The following CENPP variants were observed in gnomAD, a reference collection of about 807,000 sequenced individuals.
CENPP encodes the protein centromere protein P.
A neutral mutation model predicts 35.6 loss-of-function variants in CENPP; 24 were observed. The observed-to-expected ratio is 0.67, with a 90% CI of 0.49 to 0.95. CENPP has a LOEUF of 0.95. Among genes scored for constraint, CENPP ranks in the 40% least tolerant of loss-of-function variants. The pLI is 0.00. For missense variants in CENPP, 332 were observed against 345.3 expected, an observed-to-expected ratio of 0.96 and a Z score of 0.31; for synonymous variants, 120 against 125.5, an observed-to-expected ratio of 0.96 and a Z score of 0.29.
chr9:92,402,299 G>A (rs140452333), intron 5 of CENPP, among the ~76,000 whole-genome samples: 3 of 152,102 alleles, frequency 2.0e-5, no homozygotes, highest in Non-Finnish European at 4.4e-5. Context: ...AAGAAACTGT[G>A]GTGTTAACAT....
intron 5 of CENPP, among the ~76,000 whole-genome samples, chr9:92,471,762 G>A (rs544254458): frequency 6.6e-6 from 1 of 151,414 alleles, no homozygotes; most frequent in East Asian, 2.0e-4. Context: ...CACCTCCTGG[G>A]TTCTAGTGAT....
chr9:92,540,621 A>G (rs1328233899), intron 5 of CENPP, among the ~76,000 whole-genome samples: 1 of 140,786 alleles, frequency 7.1e-6, no homozygotes, highest in African/African-American at 2.6e-5. Context: ...AAATACAAAA[A>G]TTAGCCGAGC....
chr9:92,417,538 T>C (rs1294463903), intron 5 of CENPP: 13 of 1,576,200 alleles, frequency 8.2e-6, no homozygotes, highest in South Asian at 5.9e-5. Flanking sequence ...AAATAACATA[T>C]ATTGGACTTA....
At chr9:92,430,737 T>C (rs1234678344) in intron 5 of CENPP, among the ~76,000 whole-genome samples, 2 of 152,158 alleles carry the variant, frequency 1.3e-5, no homozygotes, top group Non-Finnish European at 2.9e-5. Flanking sequence ...TCTTCCTTGA[T>C]TTCCACTGTT....
rs1304955975 is a variant in CENPP, at chr9:92,368,526, T to C, written c.468-11237T>C. On this transcript the variant is annotated intron_variant, in intron 4 of 7. Coordinates refer to ENST00000375587, the MANE Select transcript of CENPP (RefSeq NM_001012267.3). ...ACCTTCATAAAAATATAACTATAGCTGCTGTGAAGAACAATTTCATGAGGT... is the reference window on the plus strand; with the variant it reads ...ACCTTCATAAAAATATAACTATAGCCGCTGTGAAGAACAATTTCATGAGGT... 2.6e-5 allele frequency among the ~76,000 whole-genome samples: 4 copies of C among 152,162 alleles called. No homozygotes were observed. The East Asian group carries it at 7.7e-4, about 29-fold the overall frequency.
At chr9:92,413,678 T>C (rs558562496) in intron 5 of CENPP, among the ~76,000 whole-genome samples, 1 of 152,298 alleles carries the variant, frequency 6.6e-6, no homozygotes, top group East Asian at 1.9e-4. Flanking sequence ...TGTGGCATCA[T>C]AGTTGCACAT....
chr9:92,356,577 G>A (rs1357668379), intron 4 of CENPP, among the ~76,000 whole-genome samples: 1 of 152,206 alleles, frequency 6.6e-6, no homozygotes, highest in Non-Finnish European at 1.5e-5. Flanking sequence ...AGGATTAAGA[G>A]ATTGAAGTAA....
intron 4 of CENPP, among the ~76,000 whole-genome samples, chr9:92,362,566 A>G (rs368965367): frequency 3.9e-5 from 6 of 152,214 alleles, no homozygotes; most frequent in Admixed American, 1.3e-4. Flanking sequence ...TTTTCACTCA[A>G]TGAAACTGTT....
At chr9:92,566,760 G>T (rs545681498) in intron 5 of CENPP, among the ~76,000 whole-genome samples, 2 of 152,348 alleles carry the variant, frequency 1.3e-5, no homozygotes, top group Admixed American at 1.3e-4. Flanking sequence ...CTTATGCACT[G>T]TGGGAGTCTC....
intron 5 of CENPP, among the ~76,000 whole-genome samples, chr9:92,408,058 C>A (rs1470736748): frequency 6.6e-6 from 1 of 152,328 alleles, no homozygotes; most frequent in African/African-American, 2.4e-5. Context: ...GACCATATGA[C>A]CTCCAAGTGG....
At chr9:92,548,875 G>A (rs1201561621) in intron 5 of CENPP, among the ~76,000 whole-genome samples, 3 of 152,128 alleles carry the variant, frequency 2.0e-5, no homozygotes, top group African/African-American at 2.4e-5. Context: ...GTGTGTGTGT[G>A]TTATCTAGAA....
At position 92,612,733 on chromosome 9, in the gene CENPP, C is replaced by T. The variant is rs923864083; in HGVS notation, c.736+119C>T. On this transcript the variant is annotated intron_variant, in intron 7 of 7. Coordinates refer to ENST00000375587, the MANE Select transcript of CENPP (RefSeq NM_001012267.3). The stretch of plus-strand genomic sequence containing the variant: ...AAAAATTGGAAATCTCATTAATGTA[C>T]TTTGTCTATCAATTTTTAAATATTT... The T allele has an allele frequency of 3.9e-6, 3 of 759,902 alleles. No homozygotes were observed. In the Admixed American group the frequency reaches 7.4e-5, roughly 19 times the overall value. The allele number at this position is 759,902 out of a possible 1,614,324, so 47.1% of individuals were successfully genotyped here. A position where few individuals can be genotyped will look rare whatever the true frequency, so the allele number is the denominator to read the frequency against.
At chr9:92,330,678 T>TC (rs1199051541) in intron 1 of CENPP, among the ~76,000 whole-genome samples, 3 of 143,360 alleles carry the variant, frequency 2.1e-5, no homozygotes, top group Non-Finnish European at 4.5e-5. Context: ...GTTTTTTTTT[T>TC]CTTTTCTTTG....
chr9:92,377,624 G>A (rs1842153666), intron 4 of CENPP, among the ~76,000 whole-genome samples: 1 of 152,192 alleles, frequency 6.6e-6, no homozygotes, highest in African/African-American at 2.4e-5. Context: ...TCCAGTAAAA[G>A]TGATTCTGAC....
At chr9:92,522,292 T>C (rs1848120496) in intron 5 of CENPP, among the ~76,000 whole-genome samples, 1 of 152,146 alleles carries the variant, frequency 6.6e-6, no homozygotes, top group Non-Finnish European at 1.5e-5. Flanking sequence ...TTCAACATGT[T>C]GGCCAGGCTG....
intron 5 of CENPP, among the ~76,000 whole-genome samples, chr9:92,435,081 T>G (rs1197493421): frequency 6.6e-6 from 1 of 152,082 alleles, no homozygotes; most frequent in Non-Finnish European, 1.5e-5. Flanking sequence ...TACTGTACAC[T>G]GTGTACAACC....
At chr9:92,534,069 G>A (rs1849022471) in intron 5 of CENPP, among the ~76,000 whole-genome samples, 1 of 151,932 alleles carries the variant, frequency 6.6e-6, no homozygotes, top group Admixed American at 6.6e-5. Flanking sequence ...TCCTATACAA[G>A]CTCTCTTCAC....
intron 5 of CENPP, among the ~76,000 whole-genome samples, chr9:92,452,563 T>A (rs1366771788): frequency 6.6e-6 from 1 of 152,178 alleles, no homozygotes; most frequent in Non-Finnish European, 1.5e-5. Context: ...AAATTCTCCT[T>A]TTTTGTGGTG....
At chr9:92,408,154 T>A (rs1843356210) in intron 5 of CENPP, among the ~76,000 whole-genome samples, 1 of 152,158 alleles carries the variant, frequency 6.6e-6, no homozygotes. Flanking sequence ...AATAGTTTGG[T>A]TTAGGAGTCA....
Sources: allele counts gnomAD v4.1 joint callset (sites outside exome capture counted in the v4.1 genomes callset), GRCh38; gene constraint gnomAD v4.1.1; transcripts MANE v1.5; gene names NCBI Gene and HGNC (gene_info 2026-07-23, HGNC 2026-07-21).